Variants in NALCN observed in about 807,000 individuals in gnomAD.
The protein encoded by NALCN is sodium leak channel NALCN.
In NALCN, 111 loss-of-function variants were observed where a neutral mutation model predicts 225.3. That is an observed-to-expected ratio of 0.49 (90% CI 0.42 to 0.58). The LOEUF (loss-of-function observed/expected upper bound fraction) is 0.58. Ranked by LOEUF, NALCN falls within the 20% of genes least tolerant of loss-of-function variation. The pLI is 0.00. For missense variants in NALCN, 1,378 were observed against 2,202.4 expected, an observed-to-expected ratio of 0.63 and a Z score of 7.49; for synonymous variants, 764 against 769.0, an observed-to-expected ratio of 0.99 and a Z score of 0.11.
intron 14 of NALCN, among the ~76,000 whole-genome samples, chr13:101,190,895 C>T (rs902932174): frequency 6.6e-6 from 1 of 152,114 alleles, no homozygotes; most frequent in Non-Finnish European, 1.5e-5. Context: ...TAATAATTAG[C>T]TGCAAGACTA....
At chr13:101,230,969 A>G (rs1056858383) in intron 12 of NALCN, among the ~76,000 whole-genome samples, 3 of 152,194 alleles carry the variant, frequency 2.0e-5, no homozygotes, top group Non-Finnish European at 4.4e-5. Flanking sequence ...GTTTAGATAT[A>G]CAAATACTTA....
At chr13:101,145,163 T>C (rs946984554) in intron 15 of NALCN, among the ~76,000 whole-genome samples, 7 of 152,234 alleles carry the variant, frequency 4.6e-5, no homozygotes, top group African/African-American at 1.7e-4. Flanking sequence ...TATGTCATTT[T>C]ATTCCCAAAG....
chr13:101,086,900 A>T (rs1041474456), intron 30 of NALCN, among the ~76,000 whole-genome samples: 2 of 152,152 alleles, frequency 1.3e-5, no homozygotes, highest in African/African-American at 4.8e-5. Context: ...TTGCTAAACC[A>T]CTTTTCTCAC....
chr13:101,228,408 G>A (rs2041228172), intron 13 of NALCN, among the ~76,000 whole-genome samples: 2 of 152,096 alleles, frequency 1.3e-5, no homozygotes, highest in African/African-American at 4.8e-5. Flanking sequence ...ATCTTGAATT[G>A]TAGCTCCCAT....
chr13:101,233,471 G>C (rs1013489711), intron 12 of NALCN, among the ~76,000 whole-genome samples: 2 of 151,644 alleles, frequency 1.3e-5, no homozygotes, highest in African/African-American at 4.9e-5. Context: ...CTCCCAAGTA[G>C]CTGGGACTAC....
chr13:101,333,046 C>A (rs2139243098), intron 7 of NALCN, among the ~76,000 whole-genome samples: 1 of 152,164 alleles, frequency 6.6e-6, no homozygotes, highest in Non-Finnish European at 1.5e-5. Context: ...ATTTTCAGTA[C>A]CTATATAGAG....
chr13:101,377,944 G>A (rs1037569747), intron 4 of NALCN, among the ~76,000 whole-genome samples: 1 of 152,046 alleles, frequency 6.6e-6, no homozygotes, highest in South Asian at 2.1e-4. Context: ...AATCTGTCCT[G>A]TAAGTCTTTT....
At chr13:101,184,053 T>C (rs759551215) in intron 14 of NALCN, among the ~76,000 whole-genome samples, 1 of 152,254 alleles carries the variant, frequency 6.6e-6, no homozygotes, top group Non-Finnish European at 1.5e-5. Context: ...AGCTGATGTA[T>C]GTATCCACTT....
At chr13:101,096,442 TA>T (rs1227387262) in intron 27 of NALCN, among the ~76,000 whole-genome samples, 1 of 152,146 alleles carries the variant, frequency 6.6e-6, no homozygotes, top group Non-Finnish European at 1.5e-5. Context: ...TCCTTGAAAA[TA>T]TTATGCTAAT....
rs538202197 is a variant in NALCN, at chr13:101,245,254, C to G, written c.1267-7332G>C. ...TGAGTACCTACAAGTTAAAACTTAA[C>G]TTTTTAAGAGTTAAGACAAAATTTG... On this transcript the variant is annotated intron_variant, in intron 11 of 43. Transcript: ENST00000251127. Among the ~76,000 whole-genome samples, 12 of 152,260 alleles carry G rather than the reference C, an allele frequency of 7.9e-5. No homozygotes were observed. The South Asian group carries it at 2.5e-3, about 32-fold the overall frequency.
rs138795048 is a variant in NALCN, at chr13:101,369,535, C to T, written c.644+7165G>A. Among the ~76,000 whole-genome samples the T allele has an allele frequency of 9.9e-4, 150 of 152,224 alleles. 1 individual carries two copies. Among genetic ancestry groups the T allele is most frequent in the African/African-American group, 3.0e-3 (125 of 41,552 alleles). On this transcript the variant is annotated intron_variant, in intron 6 of 43. Transcript: ENST00000251127. ...TCATTTATGTGCCAATATGAGCTTT[C>T]GTTTGCCAGCATAATGCCTGATCTT...
chr13:101,210,887 A>G (rs1355116547), intron 13 of NALCN, among the ~76,000 whole-genome samples: 1 of 152,142 alleles, frequency 6.6e-6, no homozygotes, highest in East Asian at 1.9e-4. Flanking sequence ...TGTTTTATTG[A>G]TAGGAAATTG....
chr13:101,343,383 G>T (rs1326674134), intron 7 of NALCN, among the ~76,000 whole-genome samples: 1 of 152,118 alleles, frequency 6.6e-6, no homozygotes. Context: ...GAGTCATGAG[G>T]AATAATGAAT....
chr13:101,389,246 T>A (rs985894651), intron 3 of NALCN, among the ~76,000 whole-genome samples: 1 of 152,194 alleles, frequency 6.6e-6, no homozygotes, highest in African/African-American at 2.4e-5. Context: ...CCAAAATCAC[T>A]AATAAATACG....
intron 13 of NALCN, among the ~76,000 whole-genome samples, chr13:101,197,069 G>A (rs1661260414): frequency 6.6e-6 from 1 of 152,116 alleles, no homozygotes. Flanking sequence ...AAAATGGTGA[G>A]ATCTAGTGGA....
At chr13:101,408,948 A>G (rs545120028) in intron 1 of NALCN, among the ~76,000 whole-genome samples, 4 of 152,252 alleles carry the variant, frequency 2.6e-5, no homozygotes, top group African/African-American at 9.6e-5. Flanking sequence ...ATGGTTCCCC[A>G]CTTTTTATGA....
intron 15 of NALCN, among the ~76,000 whole-genome samples, chr13:101,149,087 A>T (rs2037501667): frequency 6.6e-6 from 1 of 152,166 alleles, no homozygotes; most frequent in Non-Finnish European, 1.5e-5. Context: ...AGGTAAGGAG[A>T]TCGAGACCAT....
chr13:101,366,553 C>G (rs930607111), intron 6 of NALCN, among the ~76,000 whole-genome samples: 1 of 152,076 alleles, frequency 6.6e-6, no homozygotes, highest in Non-Finnish European at 1.5e-5. Flanking sequence ...ACGGCAGTAG[C>G]TGGTAACACT....
At chr13:101,325,097 T>C (rs1405857991) in intron 7 of NALCN, among the ~76,000 whole-genome samples, 3 of 152,192 alleles carry the variant, frequency 2.0e-5, no homozygotes, top group African/African-American at 7.2e-5. Flanking sequence ...TCTCAGTGGC[T>C]TAAATCCGTA....
Sources: gnomAD v4.1 joint callset for allele counts (sites outside exome capture counted in the v4.1 genomes callset) on GRCh38, gnomAD v4.1.1 for gene constraint, MANE v1.5 for transcripts, NCBI Gene and HGNC (gene_info 2026-07-23, HGNC 2026-07-21) for gene names.